The following BBS9 variants were observed in gnomAD, a reference collection of about 807,000 sequenced individuals.
BBS9 encodes Bardet-Biedl syndrome 9.
A neutral mutation model predicts 117.7 loss-of-function variants in BBS9; 89 were observed. That is an observed-to-expected ratio of 0.76 (90% CI 0.64 to 0.90). BBS9 has a LOEUF of 0.90. Ranked by LOEUF, BBS9 falls within the 40% of genes least tolerant of loss-of-function variation. The pLI is 0.00. For synonymous variants in BBS9, 379 were observed against 370.9 expected (o/e 1.02, Z -0.25); for missense variants, 982 against 1,042.2 (o/e 0.94, Z 0.80).
At chr7:33,552,956 G>T (rs532372558) in intron 21 of BBS9, among the ~76,000 whole-genome samples, 1 of 152,188 alleles carries the variant, frequency 6.6e-6, no homozygotes, top group South Asian at 2.1e-4. Flanking sequence ...TGCCCATTCT[G>T]CTTTACCCAC....
At chr7:33,155,592 C>G (rs1317865460) in intron 3 of BBS9, 46 bp from the exon 4 acceptor site, 2 of 1,343,916 alleles carry the variant, frequency 1.5e-6, no homozygotes, top group Non-Finnish European at 2.1e-6. Flanking sequence ...TTGGTTACGT[C>G]TAAAGCTAAT....
intron 19 of BBS9, among the ~76,000 whole-genome samples, chr7:33,504,548 G>T (rs1845886139): frequency 6.6e-6 from 1 of 152,086 alleles, no homozygotes; most frequent in African/African-American, 2.4e-5. Context: ...TCCCCCAGCT[G>T]GTGGGGGCTT....
intron 9 of BBS9, among the ~76,000 whole-genome samples, chr7:33,306,631 T>G (rs1273646926): frequency 1.3e-5 from 2 of 152,072 alleles, no homozygotes; most frequent in Non-Finnish European, 2.9e-5. Flanking sequence ...ATCTGAAGCA[T>G]TTTGGTTTCT....
rs114420166 is a variant in BBS9 at position 33,246,332 on chromosome 7, A to G, written c.443-10904A>G. 7.3e-3 allele frequency among the ~76,000 whole-genome samples: 1,107 copies of G among 151,710 alleles called. 18 individuals are homozygous for G. Among genetic ancestry groups the G allele is most frequent in the African/African-American group, 0.026 (1,057 of 41,408 alleles). The stretch of plus-strand genomic sequence containing the variant: ...TTTCCACAACATTAATTAATTGGTC[A>G]CAGTGAGTTCAGTGTAAACTAAGGT... On this transcript the variant is annotated intron_variant, in intron 5 of 22. Transcript: ENST00000242067.
intron 19 of BBS9, among the ~76,000 whole-genome samples, chr7:33,432,603 T>A (rs1384476938): frequency 6.6e-6 from 1 of 152,188 alleles, no homozygotes; most frequent in South Asian, 2.1e-4. Context: ...CAACTTTATC[T>A]CTTTGTTGTT....
intron 20 of BBS9, among the ~76,000 whole-genome samples, chr7:33,521,760 T>A (rs1468000552): frequency 1.3e-5 from 2 of 151,778 alleles, no homozygotes; most frequent in Non-Finnish European, 2.9e-5. Flanking sequence ...TTTTTTTTTA[T>A]TATACTTTAA....
chr7:33,172,004 G>T (rs558226996), intron 4 of BBS9, among the ~76,000 whole-genome samples: 2 of 126,828 alleles, frequency 1.6e-5, no homozygotes, highest in African/African-American at 2.9e-5. Context: ...TCCCCAAATA[G>T]CCAGTAGGCA....
chr7:33,157,337 A>T (rs866742479), intron 4 of BBS9, among the ~76,000 whole-genome samples: 3 of 152,232 alleles, frequency 2.0e-5, no homozygotes, highest in African/African-American at 7.2e-5. Flanking sequence ...GTTGAAAATG[A>T]AAGTTATTTG....
rs1475820497 is a variant in BBS9, at chr7:33,336,713, T to C, written c.1198+91T>C. On this transcript the variant is annotated intron_variant, in intron 10 of 22. Transcript: ENST00000242067. ...GATATTATTTTGTGTATTTGTTAAT[T>C]TTCTCCTCTAGGCTTAATTAAAATC... is the stretch of plus-strand genomic sequence containing the variant. 4.2e-6 allele frequency: 4 copies of C among 944,398 alleles called. No individual in the cohort carries two copies. The African/African-American group carries it at 4.9e-5, about 12-fold the overall frequency. 58.5% of individuals were successfully genotyped at this position (944,398 alleles called of 1,614,324 possible).
intron 21 of BBS9, among the ~76,000 whole-genome samples, chr7:33,620,728 G>A (rs576294759): frequency 6.6e-6 from 1 of 152,194 alleles, no homozygotes; most frequent in East Asian, 1.9e-4. Flanking sequence ...CACAGAAATA[G>A]AAAAATCAAT....
chr7:33,516,487 CAAAAAAAA>C (rs61006845), intron 20 of BBS9, among the ~76,000 whole-genome samples: 34 of 51,524 alleles, frequency 6.6e-4, no homozygotes, highest in Admixed American at 2.7e-3. Flanking sequence ...ATTTCATCTC[CAAAAAAAA>C]AAAAAAAAAA....
chr7:33,196,661 T>C (rs186756021), intron 5 of BBS9, among the ~76,000 whole-genome samples: 9 of 152,334 alleles, frequency 5.9e-5, no homozygotes, highest in African/African-American at 1.9e-4. Context: ...GTTCCTTGCC[T>C]AGGCATTAAA....
chr7:33,487,870 T>C (rs1843334435), intron 19 of BBS9, among the ~76,000 whole-genome samples: 1 of 152,176 alleles, frequency 6.6e-6, no homozygotes, highest in African/African-American at 2.4e-5. Flanking sequence ...TCTTTTAACA[T>C]AAAAAGACTG....
intron 4 of BBS9, among the ~76,000 whole-genome samples, chr7:33,174,841 C>T (rs370369116): frequency 1.4e-4 from 22 of 152,246 alleles, no homozygotes; most frequent in South Asian, 6.2e-4. Flanking sequence ...AGGTTAATAC[C>T]GTATGTGTTT....
chr7:33,201,096 A>T (rs983976489), intron 5 of BBS9, among the ~76,000 whole-genome samples: 1 of 151,396 alleles, frequency 6.6e-6, no homozygotes, highest in African/African-American at 2.4e-5. Context: ...TTGTTTTCTT[A>T]CTCTAGAGGT....
At chr7:33,304,791 G>C (rs1807524368) in intron 9 of BBS9, among the ~76,000 whole-genome samples, 1 of 152,172 alleles carries the variant, frequency 6.6e-6, no homozygotes, top group Non-Finnish European at 1.5e-5. Flanking sequence ...CTATACTAAG[G>C]AAAATTCTTC....
At chr7:33,390,447 ATTG>A in intron 19 of BBS9, 1 of 982,322 alleles carries the variant, frequency 1.0e-6, no homozygotes, top group Non-Finnish European at 1.2e-6. Flanking sequence ...TTGAATGTAT[ATTG>A]TTAAGTCCCA....
chr7:33,334,637 A>C (rs531911136), intron 9 of BBS9, among the ~76,000 whole-genome samples: 1 of 152,270 alleles, frequency 6.6e-6, no homozygotes, highest in South Asian at 2.1e-4. Flanking sequence ...GTTGCTTTTC[A>C]TACTTTAAGA....
At chr7:33,314,970 G>A (rs1462257684) in intron 9 of BBS9, among the ~76,000 whole-genome samples, 1 of 152,168 alleles carries the variant, frequency 6.6e-6, no homozygotes, top group Admixed American at 6.5e-5. Context: ...GCTTTGCTGT[G>A]TAACAAACCA....
Sources: allele counts gnomAD v4.1 joint callset (sites outside exome capture counted in the v4.1 genomes callset), GRCh38; gene constraint gnomAD v4.1.1; transcripts MANE v1.5; gene names NCBI Gene and HGNC (gene_info 2026-07-23, HGNC 2026-07-21).